The following TANK variants were observed in gnomAD, a reference collection of about 807,000 sequenced individuals.
TANK encodes the protein TRAF family member associated NFKB activator.
Under a neutral mutation model 43.6 loss-of-function variants are expected in TANK, and 15 were observed. The observed-to-expected ratio is 0.34, with a 90% CI of 0.23 to 0.53. TANK has a LOEUF of 0.53. Ranked by LOEUF, TANK falls within the 20% of genes least tolerant of loss-of-function variation. The pLI, the probability that TANK is intolerant of heterozygous loss-of-function variation, is 0.94. For missense variants in TANK, 417 were observed against 498.6 expected, an observed-to-expected ratio of 0.84 and a Z score of 1.56; for synonymous variants, 162 against 178.2, an observed-to-expected ratio of 0.91 and a Z score of 0.73.
intron 2 of TANK, among the ~76,000 whole-genome samples, chr2:161,191,447 A>C (rs1685909351): frequency 1.3e-5 from 2 of 152,212 alleles, no homozygotes; most frequent in African/African-American, 4.8e-5. Flanking sequence ...AAAAGGTTTT[A>C]AATGTTTTAA....
intron 4 of TANK, among the ~76,000 whole-genome samples, chr2:161,211,541 C>T (rs1185889526): frequency 6.6e-6 from 1 of 152,052 alleles, no homozygotes; most frequent in Non-Finnish European, 1.5e-5. Context: ...AAAATTAGGC[C>T]GTTAGTCAAC....
chr2:161,225,787 T>A (rs997593825), intron 6 of TANK, among the ~76,000 whole-genome samples: 2 of 152,218 alleles, frequency 1.3e-5, no homozygotes, highest in East Asian at 3.8e-4. Context: ...CTCTTACATC[T>A]AGGCTATTTA....
upstream of TANK, among the ~76,000 whole-genome samples, chr2:161,158,017 C>A (rs993298081): frequency 6.6e-6 from 1 of 151,946 alleles, no homozygotes; most frequent in East Asian, 1.9e-4. Flanking sequence ...GCCTGCAATT[C>A]CCTCATTTTC....
chr2:161,179,983 G>A lies in TANK; in HGVS notation c.99+222G>A, dbSNP rs879752603. 1.3e-4 allele frequency: 158 copies of A among 1,218,828 alleles called. 2 individuals are homozygous for A. The Admixed American group carries it at 6.6e-3, about 51-fold the overall frequency. The allele number at this position is 1,218,828 out of a possible 1,614,324, so 75.5% of individuals were successfully genotyped here. ...AGTTGATTTGATGGGCTCCTTTTCA[G>A]GTGATTGTGAAAGATTGTGAATGTT... On this transcript the variant is annotated intron_variant, in intron 2 of 7. Transcript: ENST00000392749.
At chr2:161,221,113 A>G (rs906936404) in intron 4 of TANK, among the ~76,000 whole-genome samples, 8 of 152,178 alleles carry the variant, frequency 5.3e-5, no homozygotes, top group Non-Finnish European at 8.8e-5. Context: ...ATTTAGTTGA[A>G]TGACTTACCC....
At chr2:161,193,486 A>G (rs1350143164) in intron 2 of TANK, among the ~76,000 whole-genome samples, 1 of 152,196 alleles carries the variant, frequency 6.6e-6, no homozygotes, top group Non-Finnish European at 1.5e-5. Context: ...TTGAGAGGCT[A>G]AGGCAGGAGG....
upstream of TANK, among the ~76,000 whole-genome samples, chr2:161,158,091 G>A (rs887669791): frequency 6.6e-6 from 1 of 152,068 alleles, no homozygotes; most frequent in Admixed American, 6.5e-5. Context: ...TGTTGCCCAG[G>A]CTGGTCTGAA....
At chr2:161,142,295 A>G (rs991016007) in intron 1 of TANK, among the ~76,000 whole-genome samples, 3 of 151,868 alleles carry the variant, frequency 2.0e-5, no homozygotes, top group African/African-American at 7.3e-5. Flanking sequence ...TCTAATGATA[A>G]TTTCTTTTGC....
At chr2:161,202,391 G>A (rs1440524294) in intron 2 of TANK, among the ~76,000 whole-genome samples, 1 of 151,518 alleles carries the variant, frequency 6.6e-6, no homozygotes, top group African/African-American at 2.4e-5. Context: ...GGGTTTCACT[G>A]TGTTAACCAG....
intron 1 of TANK, among the ~76,000 whole-genome samples, chr2:161,153,536 A>G (rs1684136743): frequency 6.6e-6 from 1 of 151,772 alleles, no homozygotes; most frequent in African/African-American, 2.4e-5. Context: ...AAAAATACAA[A>G]AATTAGCCAG....
At chr2:161,205,794 G>A (rs566301871) in intron 4 of TANK, among the ~76,000 whole-genome samples, 2 of 152,136 alleles carry the variant, frequency 1.3e-5, no homozygotes, top group Admixed American at 1.3e-4. Flanking sequence ...TGTTGGTTTT[G>A]TTTTGTTTTG....
intron 4 of TANK, among the ~76,000 whole-genome samples, chr2:161,209,059 G>A (rs1381006187): frequency 1.3e-5 from 2 of 152,196 alleles, no homozygotes; most frequent in East Asian, 3.9e-4. Flanking sequence ...GAAACGTAAG[G>A]GAACTTAATA....
Position 161,204,729 on chromosome 2 carries a change from A to T in TANK, c.263A>T (p.Asn88Ile), listed in dbSNP as rs778334166. 31 of 1,608,944 alleles carry T rather than the reference A, an allele frequency of 1.9e-5. No individual in the cohort carries two copies. The South Asian group carries it at 3.4e-4, about 18-fold the overall frequency. ...GAAGACAGTGAAACAAGAAAGAATA[A>T]TTTGACTCTTGATCAGCCACAAGAT... Reference protein sequence around the residue: ...LLEDSETRKNNLTLDQPQDKV... With the variant: ...LLEDSETRKNILTLDQPQDKV... The change falls in exon 4 of 8, where the codon AAT (asparagine) becomes ATT (isoleucine). Residue 88 changes from asparagine to isoleucine, a missense_variant. Asn to Ile is a moderately radical substitution (Grantham distance 149). Transcript: ENST00000392749.
chr2:161,150,490 T>C (rs970126717), intron 1 of TANK, among the ~76,000 whole-genome samples: 1 of 152,190 alleles, frequency 6.6e-6, no homozygotes, highest in Non-Finnish European at 1.5e-5. Flanking sequence ...TCTCTAATCT[T>C]TATTAGTTTC....
intron 1 of TANK, among the ~76,000 whole-genome samples, chr2:161,147,751 C>T (rs566741112): frequency 4.6e-5 from 7 of 152,122 alleles, no homozygotes; most frequent in South Asian, 2.1e-4. Context: ...TCCTTCTAGT[C>T]GGCCATCATG....
intron 2 of TANK, chr2:161,200,394 C>T: frequency 1.0e-6 from 1 of 978,272 alleles, no homozygotes; most frequent in Non-Finnish European, 1.2e-6. Flanking sequence ...GTTCTGTGAA[C>T]AAAAGCATTT....
intron 1 of TANK, chr2:161,137,282 G>T (rs1206567955): frequency 1.0e-6 from 1 of 977,732 alleles, no homozygotes; most frequent in Non-Finnish European, 1.2e-6. Context: ...CTAGCACTTT[G>T]GGAGGCCAAG....
intron 6 of TANK, among the ~76,000 whole-genome samples, chr2:161,226,170 T>C (rs1687607063): frequency 6.6e-6 from 1 of 152,160 alleles, no homozygotes; most frequent in South Asian, 2.1e-4. Context: ...AGAAAACTTA[T>C]CTCATTATCA....
chr2:161,160,946 A>G, intron 1 of TANK: 1 of 426,406 alleles, frequency 2.3e-6, no homozygotes. Context: ...TTGTTTTCCC[A>G]AGGTGGTTGC....
Sources: allele counts gnomAD v4.1 joint callset (sites outside exome capture counted in the v4.1 genomes callset), GRCh38; gene constraint gnomAD v4.1.1; transcripts MANE v1.5; gene names NCBI Gene and HGNC (gene_info 2026-07-23, HGNC 2026-07-21).